BPIFC: variants seen among roughly 807,000 people sequenced by gnomAD.
BPIFC encodes the protein BPI fold-containing family C protein.
A neutral mutation model predicts 57.6 loss-of-function variants in BPIFC; 60 were observed. That is an observed-to-expected ratio of 1.04 (90% CI 0.85 to 1.29). The LOEUF is 1.29. Ranked by LOEUF, BPIFC falls within the 50% of genes most tolerant of loss-of-function variation. The probability of loss-of-function intolerance (pLI) is 0.00; values close to 1 mark genes in which losing one functional copy is unlikely to be tolerated. For synonymous variants in BPIFC, 243 were observed against 224.5 expected, an observed-to-expected ratio of 1.08 and a Z score of -0.74; for missense variants, 581 against 600.5, an observed-to-expected ratio of 0.97 and a Z score of 0.34.
intron 9 of BPIFC, among the ~76,000 whole-genome samples, 168 bp downstream of exon 9, chr22:32,437,592 T>G (rs1282828098): frequency 6.6e-6 from 1 of 152,148 alleles, no homozygotes; most frequent in Non-Finnish European, 1.5e-5. Flanking sequence ...GGTTTCACCA[T>G]GTTGGCCAGC....
At position 32,442,851 on chromosome 22, in the gene BPIFC, C is replaced by T. The variant is rs148303403; in HGVS notation, c.595-120G>A. On this transcript the variant is annotated intron_variant, in intron 7 of 16. Transcript: ENST00000300399. ...GGTTAGCAGTCATTATCCCTTTGGT[C>T]ATCGAGACATTCTCTTAAATTTGTT... 7.0e-5 allele frequency: 63 copies of T among 900,570 alleles called. No homozygotes were observed. The Middle Eastern group carries it at 1.5e-3, about 22-fold the overall frequency. The allele number at this position is 900,570 out of a possible 1,614,324, so 55.8% of individuals were successfully genotyped here. A position where few individuals can be genotyped will look rare whatever the true frequency, so the allele number is the denominator to read the frequency against.
chr22:32,429,116 C>T (rs1333518178), intron 13 of BPIFC, among the ~76,000 whole-genome samples: 1 of 152,226 alleles, frequency 6.6e-6, no homozygotes, highest in South Asian at 2.1e-4. Flanking sequence ...ATACAATTAA[C>T]AGCTGTTGTG....
At chr22:32,438,005 A>C in intron 8 of BPIFC, among the ~76,000 whole-genome samples, 154 bp from the exon 9 acceptor site, 1 of 152,152 alleles carries the variant, frequency 6.6e-6, no homozygotes, top group East Asian at 1.9e-4. Context: ...TCTTTTGAAA[A>C]CCCAGGAAAA....
At chr22:32,423,910 CA>C (rs1933921096) in intron 13 of BPIFC, among the ~76,000 whole-genome samples, 1 of 143,426 alleles carries the variant, frequency 7.0e-6, no homozygotes, top group Non-Finnish European at 1.6e-5. Flanking sequence ...GAACAACTCT[CA>C]ATTGTAAATA....
intron 9 of BPIFC, among the ~76,000 whole-genome samples, chr22:32,437,473 C>T (rs1339358204): frequency 2.0e-5 from 3 of 151,980 alleles, no homozygotes; most frequent in South Asian, 2.1e-4. Flanking sequence ...TCACTGCAAC[C>T]TCTGCCTTCC....
chr22:32,445,784 G>T, intron 6 of BPIFC, 57 bp downstream of exon 6: 1 of 1,594,596 alleles, frequency 6.3e-7, no homozygotes. Flanking sequence ...TTCCCTAGGC[G>T]ATGCCTGAGT....
chr22:32,420,040 G>A (rs1217741339), intron 13 of BPIFC, among the ~76,000 whole-genome samples: 3 of 151,958 alleles, frequency 2.0e-5, no homozygotes, highest in African/African-American at 4.8e-5. Context: ...AGTTTTGGCC[G>A]GGCATGGTGG....
At chr22:32,421,658 T>C (rs747634804) in intron 13 of BPIFC, among the ~76,000 whole-genome samples, 21 of 152,166 alleles carry the variant, frequency 1.4e-4, no homozygotes, top group Non-Finnish European at 2.5e-4. Flanking sequence ...ATTGATTGGG[T>C]CATCCAGCAA....
At chr22:32,417,189 C>CTTTT (rs5844996) in intron 14 of BPIFC, 41 bp from the exon 15 acceptor site, 14 of 978,038 alleles carry the variant, frequency 1.4e-5, no homozygotes, top group Non-Finnish European at 1.8e-5. Context: ...GCAGATCGGG[C>CTTTT]TTTTTTTTTT....
At position 32,457,257 on chromosome 22, in the gene BPIFC, A is replaced by T. The variant is rs1481388314; in HGVS notation, c.124+6T>A. 6.3e-7 allele frequency: 1 copy of T among 1,591,530 alleles called. No individual in the cohort carries two copies. Among genetic ancestry groups the T allele is most frequent in the East Asian group, 2.2e-5 (1 of 44,686 alleles). ...GAGGTCTGGCTTCTGAAAACATCCA[A>T]CTCACCATAGTCAAGTGCCCTCTGA... On this transcript the variant is annotated splice_donor_region_variant and intron_variant, in intron 3 of 16. Transcript: ENST00000300399.
At chr22:32,431,326 A>G in intron 13 of BPIFC, 21 bp downstream of exon 13, 2 of 1,601,190 alleles carry the variant, frequency 1.2e-6, no homozygotes, top group Non-Finnish European at 8.6e-7. Flanking sequence ...GTGCCCCAAC[A>G]GTCAAATTGA....
chr22:32,417,100 G>A lies in BPIFC; in HGVS notation c.1309C>T (p.Leu437Phe), dbSNP rs547648214. The part of the protein sequence containing the change: ...ILSSILHFGV[L>F]PLANAKLQQG... ...AATCCCTTACCATTGGCCAGTGGGA[G>A]GACTCCAAAGTGAAGAATGGACGAT... Residue 437 changes from leucine (L) to phenylalanine (F), a missense_variant, in exon 15 of 17, where the codon CTC (leucine) becomes TTC (phenylalanine). Physicochemically the swap from Leu to Phe is conservative, Grantham distance 22. Coordinates refer to ENST00000300399, the MANE Select transcript of BPIFC (RefSeq NM_174932.3). 3 of 1,604,588 alleles carry A rather than the reference G, an allele frequency of 1.9e-6. No individual in the cohort carries two copies. The African/African-American group carries it at 4.0e-5, about 21-fold the overall frequency.
At chr22:32,455,802 T>A (rs1935022744) in intron 3 of BPIFC, among the ~76,000 whole-genome samples, 1 of 152,218 alleles carries the variant, frequency 6.6e-6, no homozygotes, top group Non-Finnish European at 1.5e-5. Context: ...GTTGGTGGAA[T>A]TAGATCAACA....
chr22:32,438,033 A>T (rs1262934160), intron 8 of BPIFC, among the ~76,000 whole-genome samples, 182 bp from the exon 9 acceptor site: 1 of 152,244 alleles, frequency 6.6e-6, no homozygotes, highest in African/African-American at 2.4e-5. Context: ...AATCAAAAGA[A>T]GAAAGTGAAC....
Position 32,453,511 on chromosome 22 carries a change from G to A in BPIFC, c.125-8C>T. 1.3e-6 allele frequency: 2 copies of A among 1,568,308 alleles called. No homozygotes were observed. Among genetic ancestry groups the A allele is most frequent in the Non-Finnish European group, 1.7e-6 (2 of 1,164,860 alleles). ...TCATTCCAGCTTGAACACCTGTGAA[G>A]GAAACAAGAAAGAATCTGTTGATAA... On this transcript the variant is annotated splice_polypyrimidine_tract_variant and splice_region_variant and intron_variant, in intron 3 of 16. Transcript: ENST00000300399.
intron 9 of BPIFC, among the ~76,000 whole-genome samples, chr22:32,436,887 C>T (rs2076054): frequency 0.66 from 100,548 of 152,118 alleles, 34,769 homozygotes; most frequent in South Asian, 0.84. Flanking sequence ...TTGTCCAACA[C>T]TGAACTGAGT....
intron 8 of BPIFC, among the ~76,000 whole-genome samples, chr22:32,438,220 C>T (rs1222554927): frequency 1.4e-5 from 2 of 148,144 alleles, no homozygotes; most frequent in African/African-American, 5.0e-5. Context: ...TGAATGTGGT[C>T]TCTCTCTCTC....
intron 2 of BPIFC, among the ~76,000 whole-genome samples, chr22:32,460,907 T>C (rs1167946604): frequency 1.3e-5 from 2 of 152,172 alleles, no homozygotes; most frequent in East Asian, 3.8e-4. Context: ...GACTGTTAAG[T>C]GTTGGTAGAA....
chr22:32,423,090 T>C (rs950051960), intron 13 of BPIFC, among the ~76,000 whole-genome samples: 2 of 152,292 alleles, frequency 1.3e-5, no homozygotes, highest in African/African-American at 4.8e-5. Context: ...AGCAGAATGT[T>C]CATTTTAGTG....
Sources: allele counts gnomAD v4.1 joint callset (sites outside exome capture counted in the v4.1 genomes callset), GRCh38; gene constraint gnomAD v4.1.1; transcripts MANE v1.5; gene names NCBI Gene and HGNC (gene_info 2026-07-23, HGNC 2026-07-21).